The following CHRM3 variants were observed in gnomAD, a reference collection of about 807,000 sequenced individuals.
CHRM3 encodes the protein muscarinic acetylcholine receptor M3.
Under a neutral mutation model 41.8 loss-of-function variants are expected in CHRM3, and 11 were observed. The ratio of observed to expected loss-of-function variants is 0.26; its 90% CI spans 0.17 to 0.44. The LOEUF is 0.44. Among genes scored for constraint, CHRM3 ranks in the 20% least tolerant of loss-of-function variants. CHRM3 has a pLI of 1.00. For synonymous variants in CHRM3, 297 were observed against 301.4 expected, an observed-to-expected ratio of 0.99 and a Z score of 0.15; for missense variants, 571 against 745.4, an observed-to-expected ratio of 0.77 and a Z score of 2.72.
chr1:239,760,409 C>G (rs1002028688), intron 5 of CHRM3, among the ~76,000 whole-genome samples: 1 of 151,980 alleles, frequency 6.6e-6, no homozygotes, highest in African/African-American at 2.4e-5. Context: ...TATTGTAGCA[C>G]GGCAGTCAAG....
rs150820013 is a variant in CHRM3 at position 239,794,386 on chromosome 1, TG to T, written c.-146-32865del. On this transcript the variant is annotated intron_variant, in intron 5 of 6. Coordinates refer to ENST00000676153, the MANE Select transcript of CHRM3 (RefSeq NM_001375978.1). ...CTCTCCCACTTATTAATTCGTTTGT[TG>T]TTTTTTTTTTTTTTTTGTCTTTTTT... is the stretch of plus-strand genomic sequence containing the variant. Among the ~76,000 whole-genome samples the T allele has an allele frequency of 5.4e-3, 676 of 125,464 alleles. 8 individuals are homozygous for T. The highest frequency in any genetic ancestry group is 0.02 in the African/African-American group (524 of 26,108). The allele number at this position is 125,464 out of a possible 152,430, so 82.3% of individuals were successfully genotyped here. A position where few individuals can be genotyped will look rare whatever the true frequency, so the allele number is the denominator to read the frequency against.
At chr1:239,456,708 C>CCAGGGTGCAA (rs1664968999) in intron 1 of CHRM3, among the ~76,000 whole-genome samples, 1 of 152,124 alleles carries the variant, frequency 6.6e-6, no homozygotes, top group Admixed American at 6.6e-5. Context: ...ATGAGGGTAT[C>CCAGGGTGCAA]CAGGGTGCAA....
At chr1:239,655,580 C>T (rs1370279908) in intron 4 of CHRM3, among the ~76,000 whole-genome samples, 4 of 152,196 alleles carry the variant, frequency 2.6e-5, no homozygotes, top group African/African-American at 9.6e-5. Context: ...GCACATGGCT[C>T]TGGGCCAGCT....
At chr1:239,415,401 C>T (rs1334094348) in intron 1 of CHRM3, among the ~76,000 whole-genome samples, 2 of 152,120 alleles carry the variant, frequency 1.3e-5, no homozygotes, top group Non-Finnish European at 2.9e-5. Flanking sequence ...GACTGTGCCA[C>T]TGTGCTCCAG....
chr1:239,683,672 G>A (rs1436849302), intron 5 of CHRM3, among the ~76,000 whole-genome samples: 1 of 152,140 alleles, frequency 6.6e-6, no homozygotes, highest in African/African-American at 2.4e-5. Context: ...CAGCATCTCT[G>A]CAAACTCTAG....
At chr1:239,595,122 G>T (rs902776191) in intron 3 of CHRM3, among the ~76,000 whole-genome samples, 1 of 152,064 alleles carries the variant, frequency 6.6e-6, no homozygotes, top group Non-Finnish European at 1.5e-5. Flanking sequence ...ACAACAAAAC[G>T]ATTGTGTCTG....
At chr1:239,490,290 G>A (rs1196584814) in intron 1 of CHRM3, among the ~76,000 whole-genome samples, 2 of 152,148 alleles carry the variant, frequency 1.3e-5, no homozygotes, top group African/African-American at 4.8e-5. Context: ...GTTAAGCACT[G>A]CTGAAGAGTG....
At chr1:239,580,624 T>C (rs1282413604) in intron 3 of CHRM3, among the ~76,000 whole-genome samples, 1 of 147,878 alleles carries the variant, frequency 6.8e-6, no homozygotes, top group Non-Finnish European at 1.5e-5. Context: ...CTCAGAATAT[T>C]CACCAGTGCT....
intron 1 of CHRM3, among the ~76,000 whole-genome samples, chr1:239,433,934 G>C (rs1663031525): frequency 6.6e-6 from 1 of 152,066 alleles, no homozygotes; most frequent in South Asian, 2.1e-4. Flanking sequence ...GCATGTCCAG[G>C]TATCTTTTTC....
intron 5 of CHRM3, among the ~76,000 whole-genome samples, chr1:239,743,777 C>CTTTTTTT (rs992688177): frequency 8.2e-6 from 1 of 122,518 alleles, no homozygotes; most frequent in Non-Finnish European, 1.7e-5. Flanking sequence ...TTTTCTTTTT[C>CTTTTTTT]TTTTTTTTTT....
At chr1:239,437,158 C>T (rs996648433) in intron 1 of CHRM3, among the ~76,000 whole-genome samples, 2 of 152,206 alleles carry the variant, frequency 1.3e-5, no homozygotes, top group Non-Finnish European at 2.9e-5. Flanking sequence ...ACTCCCCAGC[C>T]TGAGTGCAGT....
chr1:239,692,949 T>C (rs1366442370), intron 5 of CHRM3, among the ~76,000 whole-genome samples: 1 of 152,218 alleles, frequency 6.6e-6, no homozygotes, highest in African/African-American at 2.4e-5. Flanking sequence ...ACGTTGATTC[T>C]TTAATTTTTC....
chr1:239,742,140 C>T (rs753816376), intron 5 of CHRM3, among the ~76,000 whole-genome samples: 3 of 151,816 alleles, frequency 2.0e-5, no homozygotes, highest in Non-Finnish European at 2.9e-5. Context: ...AAACTTGATA[C>T]AAAGTCAATT....
chr1:239,442,896 G>A (rs146880748), intron 1 of CHRM3, among the ~76,000 whole-genome samples: 113 of 152,248 alleles, frequency 7.4e-4, no homozygotes, highest in African/African-American at 2.6e-3. Flanking sequence ...GTTCCTGTGC[G>A]CGAGCCCTTG....
rs529423564 is a variant in CHRM3, at chr1:239,456,293, G to A, written c.-520-36416G>A. On this transcript the variant is annotated intron_variant, in intron 1 of 6. Coordinates refer to ENST00000676153, the MANE Select transcript of CHRM3 (RefSeq NM_001375978.1). ...AGCAACTTCCAATCCTGCAAGCTGCGTTCGAGGTAAATGCCCTATGCAGGT... is the reference window on the plus strand; with the variant it reads ...AGCAACTTCCAATCCTGCAAGCTGCATTCGAGGTAAATGCCCTATGCAGGT... Among the ~76,000 whole-genome samples, 140 of 152,304 alleles carry A rather than the reference G, an allele frequency of 9.2e-4. 1 individual carries two copies. Among genetic ancestry groups the A allele is most frequent in the African/African-American group, 3.2e-3 (133 of 41,574 alleles).
chr1:239,824,138 T>C (rs533608644), intron 5 of CHRM3, among the ~76,000 whole-genome samples: 1 of 152,228 alleles, frequency 6.6e-6, no homozygotes, highest in African/African-American at 2.4e-5. Flanking sequence ...CCTTGTGCCA[T>C]CGTATCACAC....
At chr1:239,693,150 A>C (rs1188946667) in intron 5 of CHRM3, among the ~76,000 whole-genome samples, 1 of 152,136 alleles carries the variant, frequency 6.6e-6, no homozygotes, top group Non-Finnish European at 1.5e-5. Flanking sequence ...GGCTCTCTAC[A>C]AAATCATGGC....
chr1:239,563,672 G>T (rs1179188327), intron 3 of CHRM3, among the ~76,000 whole-genome samples: 1 of 152,162 alleles, frequency 6.6e-6, no homozygotes, highest in Non-Finnish European at 1.5e-5. Flanking sequence ...TTTAGTTAAA[G>T]AGATGTGGAT....
chr1:239,613,920 C>A (rs904553171), intron 3 of CHRM3, among the ~76,000 whole-genome samples: 1 of 152,054 alleles, frequency 6.6e-6, no homozygotes, highest in Admixed American at 6.6e-5. Context: ...TTTGGGAGGC[C>A]AAGGCAGGAG....
Sources: gnomAD v4.1 joint callset for allele counts (sites outside exome capture counted in the v4.1 genomes callset) on GRCh38, gnomAD v4.1.1 for gene constraint, MANE v1.5 for transcripts, NCBI Gene and HGNC (gene_info 2026-07-23, HGNC 2026-07-21) for gene names.